The following ST6GALNAC3 variants were observed in gnomAD, a reference collection of about 807,000 sequenced individuals.
ST6GALNAC3 encodes ST6 N-acetylgalactosaminide alpha-2,6-sialyltransferase 3.
Under a neutral mutation model 32.7 loss-of-function variants are expected in ST6GALNAC3, and 25 were observed. The observed-to-expected ratio is 0.76, with a 90% CI of 0.56 to 1.07. The LOEUF (loss-of-function observed/expected upper bound fraction) is 1.07, where lower values mean the gene tolerates loss of function less well. Among genes scored for constraint, ST6GALNAC3 ranks in the 50% least tolerant of loss-of-function variants. ST6GALNAC3 has a pLI of 0.00. For missense variants in ST6GALNAC3, 355 were observed against 382.4 expected, an observed-to-expected ratio of 0.93 and a Z score of 0.60; for synonymous variants, 129 against 133.1, an observed-to-expected ratio of 0.97 and a Z score of 0.21.
At chr1:76,292,327 T>C (rs981755897) in intron 1 of ST6GALNAC3, among the ~76,000 whole-genome samples, 1 of 151,944 alleles carries the variant, frequency 6.6e-6, no homozygotes, top group African/African-American at 2.4e-5. Context: ...AATGATACAC[T>C]GATACACCTG....
At chr1:76,266,705 C>T (rs1453411979) in intron 1 of ST6GALNAC3, among the ~76,000 whole-genome samples, 1 of 152,184 alleles carries the variant, frequency 6.6e-6, no homozygotes, top group East Asian at 1.9e-4. Context: ...CCCATCTAAG[C>T]TTCCACTTGC....
At chr1:76,522,225 T>C (rs993404907) in intron 3 of ST6GALNAC3, among the ~76,000 whole-genome samples, 9 of 152,210 alleles carry the variant, frequency 5.9e-5, no homozygotes, top group Admixed American at 3.9e-4. Context: ...TTTATTTTAC[T>C]TCTGTATTTT....
chr1:76,634,098 T>C lies in ST6GALNAC3; in HGVS notation c.*5292T>C. On this transcript the variant is annotated 3_prime_UTR_variant, in exon 5 of 5. Coordinates refer to ENST00000328299, the MANE Select transcript of ST6GALNAC3 (RefSeq NM_152996.4). ...TTCTTTTCAGAATAGGCACTTTTTT[T>C]TGAGTAGAAAACCTCTTCTTTCTCC... 2 of 966,816 alleles carry C rather than the reference T, an allele frequency of 2.1e-6. No individual in the cohort carries two copies. Among genetic ancestry groups the C allele is most frequent in the Non-Finnish European group, 2.5e-6 (2 of 813,032 alleles). The allele number at this position is 966,816 out of a possible 1,614,324, so 59.9% of individuals were successfully genotyped here. A position where few individuals can be genotyped will look rare whatever the true frequency, so the allele number is the denominator to read the frequency against.
chr1:76,615,711 C>A (rs1037086610), intron 3 of ST6GALNAC3, among the ~76,000 whole-genome samples: 3 of 152,196 alleles, frequency 2.0e-5, no homozygotes, highest in African/African-American at 7.2e-5. Context: ...AAATAAGGGA[C>A]ATTTTCTAAG....
intron 1 of ST6GALNAC3, among the ~76,000 whole-genome samples, chr1:76,261,005 CACA>C (rs1658201150): frequency 6.6e-6 from 1 of 151,830 alleles, no homozygotes; most frequent in African/African-American, 2.4e-5. Flanking sequence ...CACACACACA[CACA>C]CACGCTGTGA....
intron 3 of ST6GALNAC3, among the ~76,000 whole-genome samples, chr1:76,611,175 C>T (rs1487505804): frequency 2.0e-5 from 3 of 151,912 alleles, no homozygotes; most frequent in Non-Finnish European, 2.9e-5. Flanking sequence ...TTTAACCTCT[C>T]CTTATCCTGG....
intron 1 of ST6GALNAC3, among the ~76,000 whole-genome samples, chr1:76,148,192 T>C (rs1650810926): frequency 6.6e-6 from 1 of 152,222 alleles, no homozygotes; most frequent in Non-Finnish European, 1.5e-5. Flanking sequence ...GTTTCCTCAG[T>C]TGAGCCCTTA....
intron 1 of ST6GALNAC3, among the ~76,000 whole-genome samples, chr1:76,233,952 A>T (rs561838130): frequency 8.8e-4 from 134 of 152,300 alleles, no homozygotes; most frequent in African/African-American, 3.2e-3. Flanking sequence ...AAAAATGTCT[A>T]AAAAGTGTCC....
At chr1:76,313,664 C>A in intron 1 of ST6GALNAC3, 141 bp from the exon 2 acceptor site, 2 of 957,308 alleles carry the variant, frequency 2.1e-6, no homozygotes, top group East Asian at 4.9e-5. Context: ...AATTATTTTC[C>A]ATTTCCAGGT....
chr1:76,548,426 T>C (rs893551101), intron 3 of ST6GALNAC3, among the ~76,000 whole-genome samples: 4 of 152,172 alleles, frequency 2.6e-5, no homozygotes, highest in African/African-American at 9.7e-5. Context: ...CAGGCAGCCT[T>C]CTAGCTCTCT....
Position 76,243,234 on chromosome 1 carries a change from G to A in ST6GALNAC3, c.19-70571G>A, listed in dbSNP as rs1225456225. On this transcript the variant is annotated intron_variant, in intron 1 of 4. Coordinates refer to ENST00000328299, the MANE Select transcript of ST6GALNAC3 (RefSeq NM_152996.4). ...AATGAGCTTTTTTTCATATGTTTTT[G>A]ACCACATACATGTCTTCTTTTGAGA... is the stretch of plus-strand genomic sequence containing the variant. Among the ~76,000 whole-genome samples the A allele has an allele frequency of 3.3e-5, 5 of 151,926 alleles. No homozygotes were observed. In the East Asian group the frequency reaches 9.7e-4, roughly 29 times the overall value.
intron 1 of ST6GALNAC3, among the ~76,000 whole-genome samples, chr1:76,294,104 C>G (rs976933474): frequency 2.0e-5 from 3 of 152,104 alleles, no homozygotes; most frequent in Non-Finnish European, 2.9e-5. Flanking sequence ...ACCTTGCTAA[C>G]GGAATTGCTA....
At chr1:76,324,661 C>A (rs895551439) in intron 2 of ST6GALNAC3, among the ~76,000 whole-genome samples, 2 of 152,012 alleles carry the variant, frequency 1.3e-5, no homozygotes, top group Admixed American at 6.6e-5. Flanking sequence ...GGAAACATGA[C>A]AACTAAATGC....
At chr1:76,316,417 C>T (rs1022854546) in intron 2 of ST6GALNAC3, among the ~76,000 whole-genome samples, 1 of 151,958 alleles carries the variant, frequency 6.6e-6, no homozygotes, top group Admixed American at 6.6e-5. Flanking sequence ...TAGAGTCGTG[C>T]CACATACATT....
chr1:76,130,360 T>A (rs148570512), intron 1 of ST6GALNAC3, among the ~76,000 whole-genome samples: 1 of 152,338 alleles, frequency 6.6e-6, no homozygotes, highest in East Asian at 1.9e-4. Flanking sequence ...CTAATTGTTC[T>A]CTTCCAGTTT....
At chr1:76,098,978 A>G (rs1647177233) in intron 1 of ST6GALNAC3, among the ~76,000 whole-genome samples, 1 of 152,042 alleles carries the variant, frequency 6.6e-6, no homozygotes, top group Non-Finnish European at 1.5e-5. Context: ...ATCATTTTTT[A>G]CCCCAATATG....
At chr1:76,103,466 C>A (rs289679) in intron 1 of ST6GALNAC3, among the ~76,000 whole-genome samples, 92,742 of 151,956 alleles carry the variant, frequency 0.61, 28,800 homozygotes, top group African/African-American at 0.67. Context: ...TCTGTTCTTC[C>A]TTTATTAAGT....
At chr1:76,549,469 A>G (rs1429254474) in intron 3 of ST6GALNAC3, among the ~76,000 whole-genome samples, 1 of 151,450 alleles carries the variant, frequency 6.6e-6, no homozygotes, top group South Asian at 2.1e-4. Flanking sequence ...TATAGATTAT[A>G]TAAATACTAA....
intron 2 of ST6GALNAC3, among the ~76,000 whole-genome samples, chr1:76,335,480 C>T (rs1363716588): frequency 6.6e-6 from 1 of 151,648 alleles, no homozygotes; most frequent in Non-Finnish European, 1.5e-5. Flanking sequence ...CAGATTGGGA[C>T]CATTTAGACA....
Sources: gnomAD v4.1 joint callset for allele counts (sites outside exome capture counted in the v4.1 genomes callset) on GRCh38, gnomAD v4.1.1 for gene constraint, MANE v1.5 for transcripts, NCBI Gene and HGNC (gene_info 2026-07-23, HGNC 2026-07-21) for gene names.